Variants in ZCCHC17 observed in about 807,000 individuals in gnomAD.
ZCCHC17 encodes the protein zinc finger CCHC domain-containing protein 17.
ZCCHC17 carries 18 observed loss-of-function variants against 30.6 expected under a neutral mutation model. The observed-to-expected ratio is 0.59, with a 90% CI of 0.41 to 0.87. ZCCHC17 has a LOEUF of 0.87. Among genes scored for constraint, ZCCHC17 ranks in the 40% least tolerant of loss-of-function variants. ZCCHC17 has a pLI of 0.00. For missense variants in ZCCHC17, 263 were observed against 284.2 expected (o/e 0.93, Z 0.54); for synonymous variants, 88 against 92.4 (o/e 0.95, Z 0.27).
intron 7 of ZCCHC17, among the ~76,000 whole-genome samples, chr1:31,355,709 A>G (rs934019355): frequency 6.6e-6 from 1 of 152,322 alleles, no homozygotes; most frequent in East Asian, 1.9e-4. Context: ...GGTACTTGAC[A>G]TATCAGGACT....
At chr1:31,311,277 A>AGAAGCTTCTCATTACAATT (rs1646594689) in intron 2 of ZCCHC17, among the ~76,000 whole-genome samples, 1 of 152,038 alleles carries the variant, frequency 6.6e-6, no homozygotes, top group African/African-American at 2.4e-5. Flanking sequence ...ACGGCTCTTC[A>AGAAGCTTCTCATTACAATT]GAAGCTTCTC....
chr1:31,350,953 A>G (rs563996902), intron 7 of ZCCHC17, among the ~76,000 whole-genome samples: 14 of 152,248 alleles, frequency 9.2e-5, no homozygotes, highest in African/African-American at 2.2e-4. Context: ...TTTGATGACA[A>G]TGTTCTTGCA....
chr1:31,298,377 G>GTTTTTTTTTTTTT (rs59616986), intron 1 of ZCCHC17, among the ~76,000 whole-genome samples: 1 of 145,632 alleles, frequency 6.9e-6, no homozygotes, highest in African/African-American at 2.6e-5. Flanking sequence ...TTAGAGACCA[G>GTTTTTTTTTTTTT]TTTTTTTTTG....
chr1:31,360,592 A>C (rs538698772), intron 7 of ZCCHC17, among the ~76,000 whole-genome samples: 9 of 152,354 alleles, frequency 5.9e-5, no homozygotes, highest in Non-Finnish European at 8.8e-5. Context: ...CAGCTTTTGC[A>C]TCAAAGTTGA....
chr1:31,306,979 A>G (rs1056063644), intron 1 of ZCCHC17, among the ~76,000 whole-genome samples: 6 of 152,104 alleles, frequency 3.9e-5, no homozygotes, highest in Non-Finnish European at 5.9e-5. Flanking sequence ...CTGGGACTAC[A>G]GGTGCGCACC....
chr1:31,355,503 C>A (rs1406174883), intron 7 of ZCCHC17, among the ~76,000 whole-genome samples: 4 of 152,124 alleles, frequency 2.6e-5, no homozygotes, highest in Non-Finnish European at 5.9e-5. Context: ...TAAAATGGAG[C>A]TTCAGAGAAA....
intron 2 of ZCCHC17, among the ~76,000 whole-genome samples, chr1:31,315,773 A>AT (rs964677185): frequency 7.9e-5 from 12 of 152,226 alleles, no homozygotes; most frequent in South Asian, 4.1e-4. Context: ...TAGTTACTGA[A>AT]TTTTTTCCCC....
Position 31,357,777 on chromosome 1 carries a change from C to T in ZCCHC17, c.565-6255C>T, listed in dbSNP as rs550283379. ...GGCCTTTCTTTTTTTTTTTTTGAGA[C>T]GGAGTTTCACTCTTGTTGCCCAGGC... On this transcript the variant is annotated intron_variant, in intron 7 of 7. Coordinates refer to ENST00000344147, the MANE Select transcript of ZCCHC17 (RefSeq NM_016505.4). 5.8e-5 allele frequency among the ~76,000 whole-genome samples: 8 copies of T among 138,038 alleles called. No individual in the cohort carries two copies. The South Asian group carries it at 1.8e-3, about 32-fold the overall frequency. 90.6% of individuals were successfully genotyped at this position (138,038 alleles called of 152,430 possible). A position where few individuals can be genotyped will look rare whatever the true frequency, so the allele number is the denominator to read the frequency against.
At chr1:31,337,709 G>T (rs1429384296) in intron 4 of ZCCHC17, among the ~76,000 whole-genome samples, 1 of 152,134 alleles carries the variant, frequency 6.6e-6, no homozygotes, top group African/African-American at 2.4e-5. Flanking sequence ...ACCATGCAAT[G>T]TGCAGAAAGT....
chr1:31,332,775 C>A (rs1392107323), intron 3 of ZCCHC17, among the ~76,000 whole-genome samples: 1 of 151,984 alleles, frequency 6.6e-6, no homozygotes, highest in East Asian at 1.9e-4. Context: ...GTGCCTGCCA[C>A]CACACCTGGC....
At chr1:31,305,071 A>G (rs756303261) in intron 1 of ZCCHC17, among the ~76,000 whole-genome samples, 7 of 152,180 alleles carry the variant, frequency 4.6e-5, no homozygotes, top group Non-Finnish European at 1.0e-4. Flanking sequence ...ATTAACTGTG[A>G]ATCAGTAATA....
chr1:31,307,089 G>A (rs1251757099), intron 1 of ZCCHC17, among the ~76,000 whole-genome samples: 1 of 151,956 alleles, frequency 6.6e-6, no homozygotes, highest in Non-Finnish European at 1.5e-5. Flanking sequence ...ACCCGCCTTG[G>A]CCTCCCAAAG....
intron 7 of ZCCHC17, among the ~76,000 whole-genome samples, chr1:31,355,461 A>G (rs1252464245): frequency 6.6e-6 from 1 of 152,230 alleles, no homozygotes; most frequent in African/African-American, 2.4e-5. Flanking sequence ...TAGCCAGAAC[A>G]GGAATTATTA....
chr1:31,340,304 G>A (rs1638994142), intron 5 of ZCCHC17, among the ~76,000 whole-genome samples: 1 of 138,376 alleles, frequency 7.2e-6, no homozygotes, highest in African/African-American at 2.6e-5. Context: ...CTTAAAGGGG[G>A]ATCTTGGAGG....
chr1:31,355,036 G>A (rs113199331), intron 7 of ZCCHC17, among the ~76,000 whole-genome samples: 3,400 of 152,140 alleles, frequency 0.022, 120 homozygotes, highest in African/African-American at 0.077. Flanking sequence ...TTAGCCAGGC[G>A]TGGTGGCGAG....
intron 2 of ZCCHC17, among the ~76,000 whole-genome samples, chr1:31,317,527 G>A (rs1646765588): frequency 6.6e-6 from 1 of 152,184 alleles, no homozygotes; most frequent in African/African-American, 2.4e-5. Context: ...GCCCTGAAAG[G>A]CAAGTTGTGT....
At chr1:31,325,477 C>T (rs775616110) in intron 3 of ZCCHC17, among the ~76,000 whole-genome samples, 9 of 152,306 alleles carry the variant, frequency 5.9e-5, no homozygotes, top group African/African-American at 9.6e-5. Context: ...CAGTGGAAGC[C>T]GCTTGTGGTA....
intron 3 of ZCCHC17, among the ~76,000 whole-genome samples, chr1:31,336,622 A>T (rs1166245292): frequency 6.6e-6 from 1 of 152,110 alleles, no homozygotes; most frequent in African/African-American, 2.4e-5. Flanking sequence ...TGGCCTTGCA[A>T]AGTGTTGGGA....
chr1:31,308,635 G>A (rs910615978), intron 1 of ZCCHC17, among the ~76,000 whole-genome samples: 3 of 152,234 alleles, frequency 2.0e-5, no homozygotes, highest in African/African-American at 7.2e-5. Flanking sequence ...ATCCAACAGA[G>A]TAAAGAGGCA....
Sources: gnomAD v4.1 joint callset for allele counts (sites outside exome capture counted in the v4.1 genomes callset) on GRCh38, gnomAD v4.1.1 for gene constraint, MANE v1.5 for transcripts, NCBI Gene and HGNC (gene_info 2026-07-23, HGNC 2026-07-21) for gene names.